Variants in ASS1 observed in about 807,000 individuals in gnomAD.
ASS1 encodes argininosuccinate synthase.
A neutral mutation model predicts 60.5 loss-of-function variants in ASS1; 58 were observed. The ratio of observed to expected loss-of-function variants is 0.96; its 90% CI spans 0.78 to 1.19. The LOEUF (loss-of-function observed/expected upper bound fraction) is 1.19. Ranked by LOEUF, ASS1 falls within the 50% of genes most tolerant of loss-of-function variation. The pLI, the probability that ASS1 is intolerant of heterozygous loss-of-function variation, is 0.00. For synonymous variants in ASS1, 200 were observed against 206.9 expected (o/e 0.97, Z 0.29); for missense variants, 454 against 547.3 (o/e 0.83, Z 1.70).
Position 130,488,092 on chromosome 9 carries a change from T to C in ASS1, c.839-1241T>C, listed in dbSNP as rs555562324. Among the ~76,000 whole-genome samples the C allele has an allele frequency of 1.6e-4, 25 of 152,314 alleles. 1 individual carries two copies. In the East Asian group the frequency reaches 2.3e-3, roughly 14 times the overall value. On this transcript the variant is annotated intron_variant, in intron 11 of 14. Coordinates refer to ENST00000352480, the MANE Select transcript of ASS1 (RefSeq NM_054012.4). This position sits in a 1 kb window ranked among gnomAD's most constrained non-coding sequence, Gnocchi z 5.2. ...CTTAAGGCTGAATAATATTCCATCG[T>C]ATGGATGGACTGCATTTTGCTTCTT...
At position 130,489,612 on chromosome 9, in the gene ASS1, G is replaced by A. The variant is rs1052369266; in HGVS notation, c.970+148G>A. 6 of 1,372,560 alleles carry A rather than the reference G, an allele frequency of 4.4e-6. No individual in the cohort carries two copies. Among genetic ancestry groups the A allele is most frequent in the Non-Finnish European group, 6.1e-6 (6 of 975,826 alleles). The allele number at this position is 1,372,560 out of a possible 1,614,324, so 85.0% of individuals were successfully genotyped here. A position where few individuals can be genotyped will look rare whatever the true frequency, so the allele number is the denominator to read the frequency against. On this transcript the variant is annotated intron_variant, in intron 12 of 14. Transcript: ENST00000352480. The surrounding 1 kb of genome is among the most constrained non-coding windows in gnomAD (Gnocchi z 4.1). ...ATCCTCATGTGAGACCCCAAAAGGTGCAGGCCAAAGGGGGTTGAGGGAAAG... is the reference window on the plus strand; with the variant it reads ...ATCCTCATGTGAGACCCCAAAAGGTACAGGCCAAAGGGGGTTGAGGGAAAG...
chr9:130,474,648 T>C (rs903862975), intron 8 of ASS1, among the ~76,000 whole-genome samples: 1 of 152,228 alleles, frequency 6.6e-6, no homozygotes, highest in African/African-American at 2.4e-5. Flanking sequence ...GACCCGTCTG[T>C]GCCCAGGGAA....
intron 5 of ASS1, among the ~76,000 whole-genome samples, chr9:130,465,030 T>C (rs1845693985): frequency 7.1e-6 from 1 of 141,068 alleles, no homozygotes; most frequent in Non-Finnish European, 1.5e-5. Context: ...TAAATACATA[T>C]GTTTTATATA....
intron 3 of ASS1, among the ~76,000 whole-genome samples, chr9:130,455,949 T>G (rs1311229879): frequency 6.6e-6 from 1 of 152,154 alleles, no homozygotes. Flanking sequence ...GCCTCCCGAG[T>G]GCTGGAGAGC....
In ASS1 at chr9:130,491,053, T is replaced by C. The variant is rs558113809; in HGVS notation, c.970+1589T>C. Among the ~76,000 whole-genome samples the C allele has an allele frequency of 6.6e-6, 1 of 152,268 alleles. No homozygotes were observed. The highest frequency in any genetic ancestry group is 1.9e-4 in the East Asian group (1 of 5,170). On this transcript the variant is annotated intron_variant, in intron 12 of 14. Transcript: ENST00000352480. The surrounding 1 kb of genome is among the most constrained non-coding windows in gnomAD (Gnocchi z 5.3). ...GCCTCTCCCCCTCCACTCCCAGATT[T>C]TGTTTCCTTTTAAGCCTCCTAATCA...
At chr9:130,465,068 T>TTTTTTTTTTTTTTTTTTTG in intron 5 of ASS1, among the ~76,000 whole-genome samples, 1 of 145,204 alleles carries the variant, frequency 6.9e-6, no homozygotes, top group South Asian at 2.1e-4. Context: ...TTTTTTTTTT[T>TTTTTTTTTTTTTTTTTTTG]CTTTTTCTGG....
intron 1 of ASS1, 134 bp downstream of exon 1, chr9:130,445,129 C>T: frequency 1.0e-6 from 1 of 984,810 alleles, no homozygotes; most frequent in Non-Finnish European, 1.2e-6. Flanking sequence ...GATCGCCACT[C>T]GCCGGGGACT....
chr9:130,500,023 G>A (rs1487198242), intron 14 of ASS1, among the ~76,000 whole-genome samples: 2 of 152,210 alleles, frequency 1.3e-5, no homozygotes, highest in African/African-American at 4.8e-5. Context: ...CACGTCATCT[G>A]AAGTCACTCA....
chr9:130,447,535 G>A (rs981726920), intron 1 of ASS1, among the ~76,000 whole-genome samples: 1 of 152,266 alleles, frequency 6.6e-6, no homozygotes, highest in African/African-American at 2.4e-5. Context: ...TGAAAGCCAG[G>A]TGGCTCTGGT....
intron 6 of ASS1, among the ~76,000 whole-genome samples, chr9:130,469,899 G>A (rs1330385712): frequency 1.3e-5 from 2 of 152,174 alleles, no homozygotes; most frequent in Non-Finnish European, 2.9e-5. Context: ...ATCCAGTGGG[G>A]CTGAGGGGCT....
chr9:130,460,531 G>A (rs1480668192), intron 4 of ASS1, among the ~76,000 whole-genome samples: 1 of 152,190 alleles, frequency 6.6e-6, no homozygotes, highest in Non-Finnish European at 1.5e-5. Context: ...CAGGGGCTGA[G>A]GATGAGTCTA....
rs536352978 is a variant in ASS1, at chr9:130,468,297, C to T, written c.495+1498C>T. On this transcript the variant is annotated intron_variant, in intron 6 of 14. Coordinates refer to ENST00000352480, the MANE Select transcript of ASS1 (RefSeq NM_054012.4). ...CGCTTCGGTAGCCAAGGCAAAAAGG[C>T]GCCAGAGGACTCATAAAAAACATGC... is the stretch of plus-strand genomic sequence containing the variant. 3.9e-5 allele frequency among the ~76,000 whole-genome samples: 6 copies of T among 152,262 alleles called. No homozygotes were observed. The East Asian group carries it at 7.7e-4, about 20-fold the overall frequency.
In ASS1 at chr9:130,467,437, C is replaced by G. The variant is rs377482621; in HGVS notation, c.495+638C>G. Reference sequence around the variant, plus strand: ...GACAAACAGCCTCAATCAATCAGGCCGGGGAAAAGCAACTCAGCGCACACA... The same window carrying G: ...GACAAACAGCCTCAATCAATCAGGCGGGGGAAAAGCAACTCAGCGCACACA... On this transcript the variant is annotated intron_variant, in intron 6 of 14. Transcript: ENST00000352480. Among the ~76,000 whole-genome samples, 217 of 152,208 alleles carry G rather than the reference C, an allele frequency of 1.4e-3. 2 individuals carry two copies. In the South Asian group the frequency reaches 0.043, roughly 30 times the overall value.
chr9:130,474,203 G>A (rs1303397216), intron 8 of ASS1, among the ~76,000 whole-genome samples: 1 of 151,856 alleles, frequency 6.6e-6, no homozygotes, highest in Admixed American at 6.6e-5. Flanking sequence ...GCAGGCGCTC[G>A]AGCCACCGCG....
In ASS1 at chr9:130,459,571, A is replaced by G. The variant is rs1426598327; in HGVS notation, c.363+982A>G. 6.6e-6 allele frequency among the ~76,000 whole-genome samples: 1 copy of G among 152,106 alleles called. No individual in the cohort carries two copies. Among genetic ancestry groups the G allele is most frequent in the Non-Finnish European group, 1.5e-5 (1 of 68,032 alleles). On this transcript the variant is annotated intron_variant, in intron 4 of 14. Transcript: ENST00000352480. This position sits in a 1 kb window ranked among gnomAD's most constrained non-coding sequence, Gnocchi z 4.6. ...CTCAGCCTCCTGAGTAGCTGGGATT[A>G]CAGGTGTGTACCCCACCACACCCGG...
At chr9:130,484,818 C>T (rs886744803) in intron 11 of ASS1, among the ~76,000 whole-genome samples, 5 of 152,010 alleles carry the variant, frequency 3.3e-5, no homozygotes, top group East Asian at 1.9e-4. Context: ...CACACACACA[C>T]ACACACACAC....
intron 11 of ASS1, among the ~76,000 whole-genome samples, chr9:130,480,806 C>A (rs1215971): frequency 0.23 from 34,505 of 152,204 alleles, 4,731 homozygotes; most frequent in Admixed American, 0.31. Context: ...GGCCCGATTT[C>A]GTGGTCATTA....
At chr9:130,479,495 G>A (rs977708203) in intron 9 of ASS1, among the ~76,000 whole-genome samples, 11 of 152,170 alleles carry the variant, frequency 7.2e-5, no homozygotes, top group African/African-American at 2.2e-4. Context: ...GGGGGAGAGC[G>A]TTTTTATTGC....
intron 3 of ASS1, among the ~76,000 whole-genome samples, 172 bp downstream of exon 3, chr9:130,454,545 C>T (rs543892547): frequency 6.6e-6 from 1 of 152,184 alleles, no homozygotes; most frequent in African/African-American, 2.4e-5. Context: ...TCTGCCTCCC[C>T]CACGCCCTCT....
Sources: allele counts gnomAD v4.1 joint callset (sites outside exome capture counted in the v4.1 genomes callset), GRCh38; gene constraint gnomAD v4.1.1; non-coding constraint Gnocchi (gnomAD v3.1); transcripts MANE v1.5; gene names NCBI Gene and HGNC (gene_info 2026-07-23, HGNC 2026-07-21).